The following MTR variants were observed in gnomAD, a reference collection of about 807,000 sequenced individuals.
MTR encodes methionine synthase.
Under a neutral mutation model 154.8 loss-of-function variants are expected in MTR, and 84 were observed. The ratio of observed to expected loss-of-function variants is 0.54; its 90% CI spans 0.45 to 0.65. The LOEUF (loss-of-function observed/expected upper bound fraction) is 0.65. Among genes scored for constraint, MTR ranks in the 30% least tolerant of loss-of-function variants. MTR has a pLI of 0.00. For synonymous variants in MTR, 554 were observed against 553.9 expected (o/e 1.00, Z 0.00); for missense variants, 1,275 against 1,570.2 (o/e 0.81, Z 3.18).
chr1:236,895,296 G>C, intron 30 of MTR, 62 bp from the exon 31 acceptor site: 19 of 1,527,872 alleles, frequency 1.2e-5, no homozygotes, highest in Non-Finnish European at 1.7e-5. Flanking sequence ...GGGGGTGGAG[G>C]CTGCACTGAT....
intron 18 of MTR, among the ~76,000 whole-genome samples, chr1:236,857,455 C>A (rs944390519): frequency 1.3e-5 from 2 of 152,192 alleles, no homozygotes; most frequent in African/African-American, 4.8e-5. Context: ...AATGTCTCCC[C>A]CTTCTGCCCA....
intron 21 of MTR, among the ~76,000 whole-genome samples, chr1:236,863,201 G>A (rs1664647262): frequency 6.6e-6 from 1 of 152,224 alleles, no homozygotes; most frequent in Admixed American, 6.5e-5. Context: ...CTTCAGCTGT[G>A]GTGCTGTTTT....
At chr1:236,842,784 GTATA>G (rs60138451) in intron 15 of MTR, among the ~76,000 whole-genome samples, 1 of 144,422 alleles carries the variant, frequency 6.9e-6, no homozygotes, top group African/African-American at 2.5e-5. Flanking sequence ...AAAAAAAGAT[GTATA>G]TATATATATA....
intron 15 of MTR, among the ~76,000 whole-genome samples, chr1:236,841,974 T>C (rs1663268887): frequency 6.6e-6 from 1 of 151,036 alleles, no homozygotes; most frequent in African/African-American, 2.4e-5. Context: ...CACTGCAGGC[T>C]CCGCCCCCCG....
In MTR at chr1:236,823,796, CTTTTTTTTTTTTTTTTTTTTTT is replaced by C. The variant is rs59710180; in HGVS notation, c.765-311_765-290del. On this transcript the variant is annotated intron_variant, in intron 8 of 32. Transcript: ENST00000366577. ...TTTAAATTTTGCTTTCAGGTCAGAT[CTTTTTTTTTTTTTTTTTTTTTT>C]TTTTTTTTTTTAGCAGTGTTAGTTT... Among the ~76,000 whole-genome samples, 2 of 18,424 alleles carry C rather than the reference CTTTTTTTTTTTTTTTTTTTTTT, an allele frequency of 1.1e-4. 1 individual carries two copies. The highest frequency in any genetic ancestry group is 5.3e-4 in the African/African-American group (2 of 3,796). 12.1% of individuals were successfully genotyped at this position (18,424 alleles called of 152,430 possible).
intron 24 of MTR, among the ~76,000 whole-genome samples, chr1:236,878,816 C>T (rs954364665): frequency 1.3e-5 from 2 of 152,162 alleles, no homozygotes; most frequent in Admixed American, 6.5e-5. Context: ...CTCAGGAGGC[C>T]ATGGAGTTCA....
At chr1:236,859,700 G>C in intron 18 of MTR, 133 bp from the exon 19 acceptor site, 2 of 713,302 alleles carry the variant, frequency 2.8e-6, no homozygotes, top group South Asian at 3.0e-5. Context: ...TTTTATGCTG[G>C]ACAGTCTACT....
intron 28 of MTR, 61 bp downstream of exon 28, chr1:236,889,397 G>A: frequency 1.2e-6 from 2 of 1,605,952 alleles, no homozygotes; most frequent in South Asian, 2.2e-5. Context: ...TTGTGACTTT[G>A]AAGACCGGAA....
intron 29 of MTR, among the ~76,000 whole-genome samples, chr1:236,892,671 T>C (rs1166248182): frequency 6.6e-6 from 1 of 152,170 alleles, no homozygotes; most frequent in Non-Finnish European, 1.5e-5. Flanking sequence ...AAATCCTCAC[T>C]GTATGCGCCC....
At chr1:236,838,678 C>T in intron 15 of MTR, 79 bp downstream of exon 15, 1 of 1,432,318 alleles carries the variant, frequency 7.0e-7, no homozygotes, top group Non-Finnish European at 9.7e-7. Flanking sequence ...TCTGAAACAG[C>T]TACATATATA....
rs558942358 is a variant in MTR at position 236,880,914 on chromosome 1, A to G, written c.2676+78A>G. On this transcript the variant is annotated intron_variant, in intron 25 of 32. Coordinates refer to ENST00000366577, the MANE Select transcript of MTR (RefSeq NM_000254.3). ...CAAGTAAGGGTTTAACTTAAGATCTATTCATTTTTATTCAGTTCTACTAAA... is the reference window on the plus strand; with the variant it reads ...CAAGTAAGGGTTTAACTTAAGATCTGTTCATTTTTATTCAGTTCTACTAAA... 83 of 1,333,194 alleles carry G rather than the reference A, an allele frequency of 6.2e-5. No individual in the cohort carries two copies. In the East Asian group the frequency reaches 1.3e-3, roughly 21 times the overall value. The allele number at this position is 1,333,194 out of a possible 1,614,324, so 82.6% of individuals were successfully genotyped here.
At position 236,903,175 on chromosome 1, in the gene MTR, A is replaced by G. The variant is rs1666995647; in HGVS notation, c.*5531A>G. 1 of 152,234 alleles carries G rather than the reference A, an allele frequency of 6.6e-6. No homozygotes were observed. 9.4% of individuals were successfully genotyped at this position (152,234 alleles called of 1,614,324 possible). Reference sequence around the variant, plus strand: ...CTAAGAGGATACACAGAAATTTTTAAGTGGTTACCTCCACGGAATGGGATT... The same window carrying G: ...CTAAGAGGATACACAGAAATTTTTAGGTGGTTACCTCCACGGAATGGGATT... On this transcript the variant is annotated 3_prime_UTR_variant, in exon 33 of 33. Transcript: ENST00000366577.
At chr1:236,801,834 A>G (rs1253802716) in intron 1 of MTR, among the ~76,000 whole-genome samples, 1 of 152,188 alleles carries the variant, frequency 6.6e-6, no homozygotes, top group Non-Finnish European at 1.5e-5. Context: ...AGGGGAAGCA[A>G]CTGGTTTAAA....
chr1:236,880,655 A>G, intron 24 of MTR, 100 bp from the exon 25 acceptor site: 1 of 955,294 alleles, frequency 1.0e-6, no homozygotes, highest in Non-Finnish European at 1.7e-6. Context: ...TTCTCTGGAA[A>G]GCACTGTAGA....
In MTR at chr1:236,895,470, C is replaced by T. The variant is rs121913578; in HGVS notation, c.3518C>T (p.Pro1173Leu). ...LRRLRYKGIR[P>L]APGYPSQPDH... ...AGGCTGCGGTACAAGGGCATCCGCC[C>T]GGCTCCTGGCTACCCCAGCCAGCCC... The change falls in exon 31 of 33, where the codon CCG becomes CTG. Residue 1173 changes from proline (P) to leucine (L), a missense_variant. By Grantham distance (98) the Pro-to-Leu change is moderately conservative. Coordinates refer to ENST00000366577, the MANE Select transcript of MTR (RefSeq NM_000254.3). The T allele has an allele frequency of 1.8e-4, 287 of 1,597,024 alleles. No homozygotes were observed. Among genetic ancestry groups the T allele is most frequent in the Non-Finnish European group, 2.4e-4 (277 of 1,171,384 alleles).
chr1:236,797,178 C>G (rs1025280368), intron 1 of MTR, among the ~76,000 whole-genome samples: 2 of 152,136 alleles, frequency 1.3e-5, no homozygotes, highest in Non-Finnish European at 2.9e-5. Context: ...TAGAAAAGAC[C>G]TTAGATGTAG....
chr1:236,804,977 G>GT (rs982479701), intron 2 of MTR, among the ~76,000 whole-genome samples: 25 of 151,834 alleles, frequency 1.6e-4, no homozygotes, highest in Admixed American at 4.6e-4. Context: ...GATATACACA[G>GT]TTTTTTTGCT....
chr1:236,816,045 C>T (rs1661574891), intron 7 of MTR, among the ~76,000 whole-genome samples: 5 of 152,212 alleles, frequency 3.3e-5, no homozygotes. Context: ...GCAGACCTCT[C>T]TGCGAGTCCT....
chr1:236,895,632 A>G lies in MTR; in HGVS notation c.3598+82A>G. The G allele has an allele frequency of 2.1e-6, 3 of 1,425,426 alleles. 1 individual carries two copies. The highest frequency in any genetic ancestry group is 2.6e-5 in the South Asian group (2 of 78,148). The allele number at this position is 1,425,426 out of a possible 1,614,324, so 88.3% of individuals were successfully genotyped here. On this transcript the variant is annotated intron_variant, in intron 31 of 32. Coordinates refer to ENST00000366577, the MANE Select transcript of MTR (RefSeq NM_000254.3). Reference sequence around the variant, plus strand: ...AGCATACTGGCACTTAGGGTTAAACATGTTTTTAAAATGGAAGGGCTTCTA... The same window carrying G: ...AGCATACTGGCACTTAGGGTTAAACGTGTTTTTAAAATGGAAGGGCTTCTA...
Sources: gnomAD v4.1 joint callset for allele counts (sites outside exome capture counted in the v4.1 genomes callset) on GRCh38, gnomAD v4.1.1 for gene constraint, MANE v1.5 for transcripts, NCBI Gene and HGNC (gene_info 2026-07-23, HGNC 2026-07-21) for gene names.